PPARGC1A: variants seen among roughly 807,000 people sequenced by gnomAD.
PPARGC1A encodes peroxisome proliferator-activated receptor gamma coactivator 1-alpha.
PPARGC1A carries 25 observed loss-of-function variants against 88.7 expected under a neutral mutation model. The ratio of observed to expected loss-of-function variants is 0.28; its 90% CI spans 0.21 to 0.39. PPARGC1A has a LOEUF of 0.39. Among genes scored for constraint, PPARGC1A ranks in the 10% least tolerant of loss-of-function variants. PPARGC1A has a pLI of 1.00. For missense variants in PPARGC1A, 880 were observed against 968.7 expected (o/e 0.91, Z 1.22); for synonymous variants, 363 against 355.6 (o/e 1.02, Z -0.24).
At chr4:24,461,680 G>T in the PPARGC1A span, among the ~76,000 whole-genome samples, 1 of 151,936 alleles carries the variant, frequency 6.6e-6, no homozygotes, top group Non-Finnish European at 1.5e-5. Flanking sequence ...GGTAGGGCAA[G>T]CTCATTGTAG....
chr4:24,411,280 G>A, the PPARGC1A span, among the ~76,000 whole-genome samples: 2 of 152,204 alleles, frequency 1.3e-5, no homozygotes, highest in African/African-American at 4.8e-5. Context: ...CATTTACTCA[G>A]TGCTTTACAA....
chr4:24,207,866 G>A, the PPARGC1A span, among the ~76,000 whole-genome samples: 1 of 152,174 alleles, frequency 6.6e-6, no homozygotes, highest in African/African-American at 2.4e-5. Flanking sequence ...AAAATACCAT[G>A]ACAACAGTCA....
At chr4:23,827,592 T>G (rs952788061) in intron 5 of PPARGC1A, among the ~76,000 whole-genome samples, 3 of 152,120 alleles carry the variant, frequency 2.0e-5, no homozygotes, top group African/African-American at 4.8e-5. Flanking sequence ...GCCTAAAAGA[T>G]AGAAAATTGT....
the PPARGC1A span, among the ~76,000 whole-genome samples, chr4:24,330,950 C>A: frequency 6.6e-6 from 1 of 152,316 alleles, no homozygotes; most frequent in African/African-American, 2.4e-5. Context: ...TAATCCCCTA[C>A]CTCTATCATG....
At chr4:23,916,214 T>C in the PPARGC1A span, among the ~76,000 whole-genome samples, 1 of 152,220 alleles carries the variant, frequency 6.6e-6, no homozygotes, top group Non-Finnish European at 1.5e-5. Flanking sequence ...TTACCCTTCA[T>C]TCGTAAAACA....
the PPARGC1A span, among the ~76,000 whole-genome samples, chr4:23,912,934 G>A: frequency 9.4e-5 from 14 of 149,466 alleles, no homozygotes; most frequent in Admixed American, 6.0e-4. Context: ...GACTACAGGC[G>A]CCCACCACCA....
intron 2 of PPARGC1A, among the ~76,000 whole-genome samples, chr4:23,856,784 A>T (rs1209213539): frequency 6.6e-6 from 1 of 152,012 alleles, no homozygotes; most frequent in Non-Finnish European, 1.5e-5. Flanking sequence ...GGGAGCCAAT[A>T]ACAGAAGCCG....
intron 5 of PPARGC1A, among the ~76,000 whole-genome samples, chr4:23,825,517 A>C (rs897526002): frequency 6.6e-6 from 1 of 152,136 alleles, no homozygotes; most frequent in African/African-American, 2.4e-5. Context: ...AATGATACTA[A>C]GTGATATTTT....
the PPARGC1A span, among the ~76,000 whole-genome samples, chr4:23,996,235 T>C: frequency 6.6e-6 from 1 of 152,132 alleles, no homozygotes; most frequent in South Asian, 2.1e-4. Flanking sequence ...CCTCATGCAG[T>C]AAGCAGCTCC....
intron 2 of PPARGC1A, among the ~76,000 whole-genome samples, 193 bp from the exon 3 acceptor site, chr4:23,831,944 T>C (rs571679286): frequency 8.5e-5 from 13 of 152,158 alleles, no homozygotes; most frequent in Non-Finnish European, 1.5e-4. Flanking sequence ...TGAATACCTC[T>C]ACTCTACTAA....
the PPARGC1A span, among the ~76,000 whole-genome samples, chr4:24,189,259 C>T: frequency 1.3e-5 from 2 of 152,044 alleles, no homozygotes; most frequent in South Asian, 2.1e-4. Context: ...TATTTAATAT[C>T]GCTGAACTAT....
chr4:24,149,756 C>T, the PPARGC1A span, among the ~76,000 whole-genome samples: 1 of 152,148 alleles, frequency 6.6e-6, no homozygotes, highest in East Asian at 1.9e-4. Flanking sequence ...AGCGTGGAAG[C>T]TTTGTTCAGC....
the PPARGC1A span, among the ~76,000 whole-genome samples, chr4:24,324,891 C>CTTCCTCCCCAGCCTG: frequency 1.3e-5 from 2 of 152,060 alleles, no homozygotes; most frequent in East Asian, 3.9e-4. Flanking sequence ...TGACCTCTCC[C>CTTCCTCCCCAGCCTG]CTCCTCGCCA....
intron 2 of PPARGC1A, chr4:23,881,131 C>A (rs1007948943): frequency 2.0e-5 from 3 of 152,184 alleles, no homozygotes; most frequent in Non-Finnish European, 4.4e-5. Flanking sequence ...TCAAACAATG[C>A]ACAAAGGCAA....
At chr4:24,460,900 G>A in the PPARGC1A span, among the ~76,000 whole-genome samples, 5 of 152,170 alleles carry the variant, frequency 3.3e-5, no homozygotes, top group Admixed American at 6.5e-5. Flanking sequence ...TAATTAAACT[G>A]TTCTTCTGAC....
At chr4:23,842,487 G>A (rs1245186517) in intron 2 of PPARGC1A, among the ~76,000 whole-genome samples, 2 of 152,092 alleles carry the variant, frequency 1.3e-5, no homozygotes, top group African/African-American at 4.8e-5. Flanking sequence ...CAGAAATGCA[G>A]ATTTCAAAGC....
the PPARGC1A span, among the ~76,000 whole-genome samples, chr4:24,158,983 A>T: frequency 6.6e-6 from 1 of 152,150 alleles, no homozygotes; most frequent in Non-Finnish European, 1.5e-5. Flanking sequence ...TGATAGTTGA[A>T]CTGACAGCAG....
chr4:24,229,013 G>C, the PPARGC1A span, among the ~76,000 whole-genome samples: 2 of 152,042 alleles, frequency 1.3e-5, no homozygotes, highest in Non-Finnish European at 2.9e-5. Context: ...GCTTTGGGAC[G>C]CAAGGTTTGT....
At chr4:24,366,239 C>T in the PPARGC1A span, among the ~76,000 whole-genome samples, 8 of 139,144 alleles carry the variant, frequency 5.7e-5, no homozygotes, top group Admixed American at 3.0e-4. Flanking sequence ...AATTTTATTC[C>T]GTTTCATTCA....
Sources: gnomAD v4.1 joint callset for allele counts (sites outside exome capture counted in the v4.1 genomes callset) on GRCh38, gnomAD v4.1.1 for gene constraint, MANE v1.5 for transcripts, NCBI Gene and HGNC (gene_info 2026-07-23, HGNC 2026-07-21) for gene names.